Variants in CDH12 observed in about 807,000 individuals in gnomAD.
The protein encoded by CDH12 is cadherin-12.
CDH12 carries 41 observed loss-of-function variants against 74.1 expected under a neutral mutation model. That is an observed-to-expected ratio of 0.55 (90% confidence interval 0.43 to 0.72). CDH12 has a LOEUF of 0.72. Among genes scored for constraint, CDH12 ranks in the 30% least tolerant of loss-of-function variants. CDH12 has a pLI of 0.00. For synonymous variants in CDH12, 399 were observed against 355.0 expected, an observed-to-expected ratio of 1.12 and a Z score of -1.39; for missense variants, 945 against 977.2, an observed-to-expected ratio of 0.97 and a Z score of 0.44.
intron 2 of CDH12, among the ~76,000 whole-genome samples, chr5:22,488,009 T>C (rs976268309): frequency 2.6e-5 from 4 of 152,248 alleles, no homozygotes; most frequent in Non-Finnish European, 4.4e-5. Context: ...TCCATCACAG[T>C]AAAGTATTAA....
intron 4 of CDH12, among the ~76,000 whole-genome samples, chr5:22,085,008 A>G (rs567208599): frequency 6.6e-6 from 1 of 152,318 alleles, no homozygotes; most frequent in Non-Finnish European, 1.5e-5. Context: ...TACAAAGGAC[A>G]TCACCAGAAG....
intron 3 of CDH12, among the ~76,000 whole-genome samples, chr5:22,355,708 T>C (rs931604083): frequency 1.3e-5 from 2 of 152,050 alleles, no homozygotes; most frequent in Admixed American, 6.6e-5. Flanking sequence ...CAAACTTGCA[T>C]AATCTTGACA....
At chr5:22,038,375 G>A (rs1263466827) in intron 5 of CDH12, among the ~76,000 whole-genome samples, 1 of 152,142 alleles carries the variant, frequency 6.6e-6, no homozygotes, top group Non-Finnish European at 1.5e-5. Context: ...AGCTGAAGCT[G>A]CTCATTGCCT....
chr5:22,669,510 C>A (rs1429952257), intron 1 of CDH12, among the ~76,000 whole-genome samples: 1 of 152,136 alleles, frequency 6.6e-6, no homozygotes, highest in Non-Finnish European at 1.5e-5. Context: ...GGCTACGTTT[C>A]CTGGCTTTTC....
chr5:21,821,912 T>G (rs1178680409), intron 8 of CDH12, among the ~76,000 whole-genome samples: 2 of 151,984 alleles, frequency 1.3e-5, no homozygotes. Flanking sequence ...ATTTTATTTT[T>G]TTAAATTTCT....
intron 7 of CDH12, among the ~76,000 whole-genome samples, chr5:21,850,299 T>C (rs907909390): frequency 2.0e-5 from 3 of 151,598 alleles, no homozygotes; most frequent in African/African-American, 4.8e-5. Context: ...AGATTATAAC[T>C]TTCTTTGCCA....
chr5:22,460,856 G>T (rs1580672689), intron 2 of CDH12, among the ~76,000 whole-genome samples: 1 of 148,898 alleles, frequency 6.7e-6, no homozygotes, highest in East Asian at 2.0e-4. Context: ...GAGTAGCTGG[G>T]ATTACAGGCG....
chr5:22,726,432 C>T (rs1016699419), intron 1 of CDH12, among the ~76,000 whole-genome samples: 1 of 151,600 alleles, frequency 6.6e-6, no homozygotes, highest in African/African-American at 2.4e-5. Context: ...TTTATCTATT[C>T]ATTCACCTAC....
At chr5:21,933,093 G>A (rs1754917557) in intron 6 of CDH12, among the ~76,000 whole-genome samples, 1 of 151,452 alleles carries the variant, frequency 6.6e-6, no homozygotes, top group Non-Finnish European at 1.5e-5. Flanking sequence ...CATAACAAGT[G>A]GAAAATGTTC....
chr5:22,197,594 G>T (rs1309482918), intron 4 of CDH12, among the ~76,000 whole-genome samples: 1 of 152,270 alleles, frequency 6.6e-6, no homozygotes, highest in East Asian at 1.9e-4. Context: ...CAGCTCTTCT[G>T]TTTTATTCTA....
chr5:22,760,834 G>A (rs1746187911), intron 1 of CDH12, among the ~76,000 whole-genome samples: 1 of 151,908 alleles, frequency 6.6e-6, no homozygotes, highest in Non-Finnish European at 1.5e-5. Context: ...AATTGAATGT[G>A]TACCAGATAT....
intron 4 of CDH12, among the ~76,000 whole-genome samples, chr5:22,086,507 CT>C (rs1743076900): frequency 1.3e-5 from 2 of 151,766 alleles, no homozygotes; most frequent in Admixed American, 1.3e-4. Context: ...ACAAGTCCCA[CT>C]AATTTGTTTT....
At chr5:22,054,802 G>A (rs78852769) in intron 5 of CDH12, among the ~76,000 whole-genome samples, 2 of 152,162 alleles carry the variant, frequency 1.3e-5, no homozygotes, top group African/African-American at 2.4e-5. Flanking sequence ...TAATGATTGG[G>A]AAAATCGTAT....
chr5:22,435,498 A>ATGTGTGTGTG (rs56122496), intron 2 of CDH12, among the ~76,000 whole-genome samples: 198 of 133,246 alleles, frequency 1.5e-3, no homozygotes, highest in African/African-American at 5.1e-3. Context: ...GTGTATATAT[A>ATGTGTGTGTG]TGTGTGTGTG....
At chr5:22,732,459 T>TAC (rs1491477107) in intron 1 of CDH12, among the ~76,000 whole-genome samples, 27 of 65,814 alleles carry the variant, frequency 4.1e-4, no homozygotes, top group African/African-American at 1.8e-3. Flanking sequence ...TGTGTGTGTA[T>TAC]ATATATATAT....
intron 8 of CDH12, among the ~76,000 whole-genome samples, chr5:21,823,015 C>T (rs757131291): frequency 1.1e-4 from 16 of 151,884 alleles, no homozygotes; most frequent in Admixed American, 5.9e-4. Context: ...CTTAATTTTC[C>T]GGTATCTCAG....
chr5:22,198,803 A>C, intron 4 of CDH12, among the ~76,000 whole-genome samples: 1 of 152,120 alleles, frequency 6.6e-6, no homozygotes. Context: ...ATTTCAATAA[A>C]TATAACACAA....
At chr5:21,824,205 T>A (rs1748531589) in intron 8 of CDH12, among the ~76,000 whole-genome samples, 1 of 152,100 alleles carries the variant, frequency 6.6e-6, no homozygotes. Flanking sequence ...TCCAAATTTT[T>A]AATTTTTTTT....
chr5:22,786,541 C>G (rs1472264148), intron 1 of CDH12, among the ~76,000 whole-genome samples: 1 of 152,054 alleles, frequency 6.6e-6, no homozygotes, highest in Non-Finnish European at 1.5e-5. Flanking sequence ...TAATAAAAAC[C>G]TTGGACTCAG....
Sources: gnomAD v4.1 joint callset for allele counts (sites outside exome capture counted in the v4.1 genomes callset) on GRCh38, gnomAD v4.1.1 for gene constraint, MANE v1.5 for transcripts, NCBI Gene and HGNC (gene_info 2026-07-23, HGNC 2026-07-21) for gene names.